Variants in SHTN1 observed in about 807,000 individuals in gnomAD.
SHTN1 encodes the protein shootin-1.
Under a neutral mutation model 83.1 loss-of-function variants are expected in SHTN1, and 42 were observed. That is an observed-to-expected ratio of 0.51 (90% confidence interval 0.39 to 0.65). The LOEUF (loss-of-function observed/expected upper bound fraction) is 0.65, where lower values mean the gene tolerates loss of function less well. Among genes scored for constraint, SHTN1 ranks in the 30% least tolerant of loss-of-function variants. The pLI, the probability that SHTN1 is intolerant of heterozygous loss-of-function variation, is 0.00. For missense variants in SHTN1, 622 were observed against 737.8 expected, an observed-to-expected ratio of 0.84 and a Z score of 1.82; for synonymous variants, 224 against 247.7, an observed-to-expected ratio of 0.90 and a Z score of 0.90.
At chr10:116,909,485 G>C (rs1848105287) in intron 14 of SHTN1, among the ~76,000 whole-genome samples, 1 of 152,170 alleles carries the variant, frequency 6.6e-6, no homozygotes, top group Non-Finnish European at 1.5e-5. Context: ...AATCACCACT[G>C]TCACTTAGAG....
intron 16 of SHTN1, chr10:116,900,690 T>C (rs1019043664): frequency 6.8e-7 from 1 of 1,460,600 alleles, no homozygotes; most frequent in African/African-American, 1.4e-5. Flanking sequence ...TAAACAAATT[T>C]AATAGGAAAG....
chr10:116,937,414 C>T (rs189665585), intron 9 of SHTN1, among the ~76,000 whole-genome samples: 13 of 152,204 alleles, frequency 8.5e-5, no homozygotes, highest in Non-Finnish European at 1.8e-4. Context: ...TTCTCCTTCG[C>T]TTATGAAGCT....
intron 2 of SHTN1, among the ~76,000 whole-genome samples, chr10:117,027,156 C>G (rs561700891): frequency 2.5e-4 from 38 of 151,648 alleles, no homozygotes; most frequent in African/African-American, 7.5e-4. Flanking sequence ...TGAATCCCCA[C>G]CCAAATCTAA....
At chr10:116,931,540 C>T (rs982306405) in intron 9 of SHTN1, among the ~76,000 whole-genome samples, 1 of 152,204 alleles carries the variant, frequency 6.6e-6, no homozygotes, top group African/African-American at 2.4e-5. Flanking sequence ...TGAGCCACCA[C>T]ACCTGGCCTG....
chr10:117,041,842 T>C (rs747681630), intron 2 of SHTN1, among the ~76,000 whole-genome samples: 2 of 152,222 alleles, frequency 1.3e-5, no homozygotes, highest in African/African-American at 2.4e-5. Flanking sequence ...CACTGAGTTA[T>C]TTGTTCGAAA....
intron 1 of SHTN1, among the ~76,000 whole-genome samples, chr10:117,105,203 T>A (rs1589934465): frequency 6.6e-6 from 1 of 152,170 alleles, no homozygotes; most frequent in Non-Finnish European, 1.5e-5. Context: ...GATAGCCAGC[T>A]CTCTGAAGGA....
At chr10:117,005,322 G>T (rs949121107), upstream of SHTN1, 21 of 1,346,984 alleles carry the variant, frequency 1.6e-5, no homozygotes, top group African/African-American at 3.0e-5. Flanking sequence ...TCCCGTTCAG[G>T]GGGTGGAGGA....
chr10:117,074,580 T>A (rs545761365), intron 1 of SHTN1, among the ~76,000 whole-genome samples: 1 of 152,342 alleles, frequency 6.6e-6, no homozygotes, highest in South Asian at 2.1e-4. Flanking sequence ...AAATTTTAGA[T>A]CCTCTCTTGT....
At chr10:116,986,713 A>C (rs1325930909) in intron 1 of SHTN1, among the ~76,000 whole-genome samples, 2 of 115,880 alleles carry the variant, frequency 1.7e-5, no homozygotes, top group Admixed American at 2.4e-4. Flanking sequence ...AAAACCCAGT[A>C]TCCTTTTTTT....
intron 1 of SHTN1, among the ~76,000 whole-genome samples, chr10:117,054,548 GGTGC>G (rs1687274204): frequency 6.6e-6 from 1 of 151,626 alleles, no homozygotes; most frequent in African/African-American, 2.4e-5. Flanking sequence ...TGGGACTACA[GGTGC>G]CCGCCACCAT....
intron 1 of SHTN1, among the ~76,000 whole-genome samples, chr10:117,052,910 C>T (rs903566455): frequency 6.7e-6 from 1 of 150,150 alleles, no homozygotes; most frequent in African/African-American, 2.4e-5. Context: ...GTCCCAGCTA[C>T]TCGGGAGGCT....
At chr10:117,064,991 A>G (rs1852954424) in intron 1 of SHTN1, among the ~76,000 whole-genome samples, 1 of 152,204 alleles carries the variant, frequency 6.6e-6, no homozygotes, top group Non-Finnish European at 1.5e-5. Flanking sequence ...TGCTGATACT[A>G]GCACATGCTT....
At chr10:117,072,121 T>C (rs1205070604) in intron 1 of SHTN1, among the ~76,000 whole-genome samples, 1 of 152,188 alleles carries the variant, frequency 6.6e-6, no homozygotes, top group Non-Finnish European at 1.5e-5. Context: ...TTAGTTCAAA[T>C]ATGCGGATGG....
intron 1 of SHTN1, among the ~76,000 whole-genome samples, chr10:117,087,444 T>TA (rs1292005813): frequency 6.6e-6 from 1 of 152,136 alleles, no homozygotes; most frequent in African/African-American, 2.4e-5. Flanking sequence ...AGCCACCACA[T>TA]AGATACATTT....
chr10:117,085,495 G>A (rs956282822), intron 1 of SHTN1, among the ~76,000 whole-genome samples: 11 of 152,204 alleles, frequency 7.2e-5, no homozygotes, highest in African/African-American at 2.7e-4. Flanking sequence ...GTTGTGGTCT[G>A]AGAGCATATT....
intron 1 of SHTN1, among the ~76,000 whole-genome samples, chr10:117,093,033 T>C (rs1853456373): frequency 6.6e-6 from 1 of 152,176 alleles, no homozygotes; most frequent in Admixed American, 6.5e-5. Flanking sequence ...TGCTTCAGAC[T>C]CTACAATATA....
chr10:117,015,328 T>C (rs1476777256), intron 2 of SHTN1, among the ~76,000 whole-genome samples: 2 of 152,124 alleles, frequency 1.3e-5, no homozygotes, highest in Admixed American at 1.3e-4. Context: ...TTTTTTGTTT[T>C]TGTTGTTGTT....
chr10:117,010,714 T>A (rs1852091034), intron 2 of SHTN1, among the ~76,000 whole-genome samples: 1 of 152,022 alleles, frequency 6.6e-6, no homozygotes, highest in African/African-American at 2.4e-5. Context: ...CAACAACACA[T>A]TAAAAGGATT....
intron 1 of SHTN1, among the ~76,000 whole-genome samples, chr10:117,114,953 T>C (rs946147511): frequency 6.6e-6 from 1 of 152,206 alleles, no homozygotes; most frequent in African/African-American, 2.4e-5. Flanking sequence ...CTCTGCCACT[T>C]GTCACTCTGT....
Sources: gnomAD v4.1 joint callset for allele counts (sites outside exome capture counted in the v4.1 genomes callset) on GRCh38, gnomAD v4.1.1 for gene constraint, MANE v1.5 for transcripts, NCBI Gene and HGNC (gene_info 2026-07-23, HGNC 2026-07-21) for gene names.